TRPC5: variants seen among roughly 807,000 people sequenced by gnomAD.
TRPC5 encodes transient receptor potential cation channel subfamily C member 5.
TRPC5 carries 9 observed loss-of-function variants against 56.5 expected under a neutral mutation model. The ratio of observed to expected loss-of-function variants is 0.16; its 90% CI spans 0.10 to 0.28. The LOEUF (loss-of-function observed/expected upper bound fraction) is 0.28. Among genes scored for constraint, TRPC5 ranks in the 10% least tolerant of loss-of-function variants. TRPC5 has a pLI of 1.00. For missense variants in TRPC5, 469 were observed against 748.9 expected (o/e 0.63, Z 4.36); for synonymous variants, 282 against 278.5 (o/e 1.01, Z -0.13).
intron 1 of TRPC5, among the ~76,000 whole-genome samples, chrX:111,969,472 AT>A (rs1927719844): frequency 9.0e-6 from 1 of 111,651 alleles, no homozygotes; most frequent in Non-Finnish European, 1.9e-5. Flanking sequence ...TTTACCTGCT[AT>A]TTTTTTCCAA....
intron 2 of TRPC5, among the ~76,000 whole-genome samples, chrX:111,947,428 C>T (rs1235173915): frequency 9.0e-6 from 1 of 111,466 alleles, no homozygotes; most frequent in East Asian, 2.8e-4. Context: ...CCTCCGCTTC[C>T]TGGGTTCAAG....
At chrX:111,872,868 G>A (rs1228351156) in intron 3 of TRPC5, among the ~76,000 whole-genome samples, 3 of 112,117 alleles carry the variant, frequency 2.7e-5, no homozygotes, top group Admixed American at 1.9e-4. Context: ...AACAGATGTT[G>A]GTGAGGCTGT....
At chrX:112,024,364 G>T (rs1193737583) in intron 1 of TRPC5, among the ~76,000 whole-genome samples, 2 of 111,660 alleles carry the variant, frequency 1.8e-5, no homozygotes, top group South Asian at 3.8e-4. Context: ...AGAACAAAAG[G>T]CTGACCCTTC....
chrX:111,964,168 G>T (rs1029206447), intron 1 of TRPC5, among the ~76,000 whole-genome samples: 1 of 112,190 alleles, frequency 8.9e-6, no homozygotes, highest in Admixed American at 9.5e-5. Context: ...CGAGAACTAC[G>T]TGAAGAATGC....
chrX:111,923,729 C>T (rs1053821870), intron 2 of TRPC5, among the ~76,000 whole-genome samples: 4 of 111,673 alleles, frequency 3.6e-5, no homozygotes, highest in South Asian at 3.8e-4. Flanking sequence ...TGAGATCTGA[C>T]GTTTTCCAGG....
chrX:111,839,222 C>T (rs1922654519), intron 6 of TRPC5, among the ~76,000 whole-genome samples: 1 of 111,558 alleles, frequency 9.0e-6, no homozygotes, highest in Admixed American at 9.6e-5. Context: ...TCTTGTTTGA[C>T]CTTTGAGGCT....
At chrX:112,020,843 A>G (rs759536024) in intron 1 of TRPC5, among the ~76,000 whole-genome samples, 2 of 109,682 alleles carry the variant, frequency 1.8e-5, no homozygotes, top group South Asian at 8.1e-4. Flanking sequence ...GGATTCAGAC[A>G]CTGGGGATAA....
intron 3 of TRPC5, among the ~76,000 whole-genome samples, chrX:111,859,545 C>A (rs1251142469): frequency 8.9e-6 from 1 of 111,967 alleles, no homozygotes; most frequent in Non-Finnish European, 1.9e-5. Flanking sequence ...TAAAGCCAAG[C>A]CCAGCCATGT....
chrX:112,080,292 G>T (rs1354294199), intron 1 of TRPC5, among the ~76,000 whole-genome samples: 1 of 110,041 alleles, frequency 9.1e-6, no homozygotes, highest in Non-Finnish European at 1.9e-5. Flanking sequence ...TTTAACAGAC[G>T]AACCTGGGTG....
chrX:111,852,501 T>TC, intron 4 of TRPC5, 64 bp from the exon 5 acceptor site: 1 of 1,062,761 alleles, frequency 9.4e-7, no homozygotes, highest in Admixed American at 3.0e-5. Flanking sequence ...ATAGAAGGAT[T>TC]CCCCCCTCCA....
At chrX:112,034,835 T>C (rs1210162917) in intron 1 of TRPC5, among the ~76,000 whole-genome samples, 2 of 109,928 alleles carry the variant, frequency 1.8e-5, no homozygotes, top group African/African-American at 6.6e-5. Context: ...TCACTTCTGA[T>C]TTTTTCATTA....
intron 1 of TRPC5, among the ~76,000 whole-genome samples, chrX:112,032,796 T>C (rs1929621539): frequency 8.9e-6 from 1 of 112,144 alleles, no homozygotes; most frequent in African/African-American, 3.2e-5. Flanking sequence ...TTTTGTCTTT[T>C]TTAAAATTAT....
At chrX:111,793,422 T>C (rs1024267068) in intron 7 of TRPC5, among the ~76,000 whole-genome samples, 4 of 112,311 alleles carry the variant, frequency 3.6e-5, no homozygotes, top group Non-Finnish European at 7.5e-5. Flanking sequence ...AGAAGATACA[T>C]AAATGGACAA....
chrX:111,806,626 C>T (rs760893070), intron 7 of TRPC5, among the ~76,000 whole-genome samples: 6 of 111,776 alleles, frequency 5.4e-5, no homozygotes, highest in Non-Finnish European at 1.1e-4. Flanking sequence ...TATTCTTTTT[C>T]TTCTCCTGGC....
Position 112,039,236 on chromosome X carries a change from T to C in TRPC5, c.-22+42643A>G, listed in dbSNP as rs147520933. ...CACTGTTCTAAAATGATACTTTTATTATTTCACCTTTTTCAGAGAAATATA... is the reference window on the plus strand; with the variant it reads ...CACTGTTCTAAAATGATACTTTTATCATTTCACCTTTTTCAGAGAAATATA... On this transcript the variant is annotated intron_variant, in intron 1 of 10. Transcript: ENST00000262839. Among the ~76,000 whole-genome samples, 967 of 111,921 alleles carry C rather than the reference T, an allele frequency of 8.6e-3. 10 individuals carry two copies. The highest frequency in any genetic ancestry group is 0.03 in the African/African-American group (924 of 30,742).
chrX:112,057,787 G>A (rs1458294375), intron 1 of TRPC5, among the ~76,000 whole-genome samples: 3 of 112,023 alleles, frequency 2.7e-5, no homozygotes, highest in Non-Finnish European at 5.6e-5. Context: ...AAGTTTCTTA[G>A]TGGATAAATG....
At chrX:112,070,240 A>G (rs1930684118) in intron 1 of TRPC5, among the ~76,000 whole-genome samples, 2 of 111,917 alleles carry the variant, frequency 1.8e-5, no homozygotes, top group Admixed American at 1.9e-4. Context: ...CAACACAACT[A>G]AAAGTCATGA....
chrX:111,805,674 A>C (rs769508447), intron 7 of TRPC5, among the ~76,000 whole-genome samples: 2 of 110,667 alleles, frequency 1.8e-5, no homozygotes, highest in Non-Finnish European at 3.8e-5. Flanking sequence ...ATCTATCTAT[A>C]GATATAGATA....
At chrX:111,932,781 G>C (rs901014594) in intron 2 of TRPC5, among the ~76,000 whole-genome samples, 4 of 111,974 alleles carry the variant, frequency 3.6e-5, no homozygotes, top group African/African-American at 1.3e-4. Flanking sequence ...TTTGTGATCA[G>C]ATTTAGTACC....
Sources: gnomAD v4.1 joint callset for allele counts (sites outside exome capture counted in the v4.1 genomes callset) on GRCh38, gnomAD v4.1.1 for gene constraint, MANE v1.5 for transcripts, NCBI Gene and HGNC (gene_info 2026-07-23, HGNC 2026-07-21) for gene names.